LMTK2: variants seen among roughly 807,000 people sequenced by gnomAD.
LMTK2 encodes the protein serine/threonine-protein kinase LMTK2.
LMTK2 carries 37 observed loss-of-function variants against 127.5 expected under a neutral mutation model. The ratio of observed to expected loss-of-function variants is 0.29; its 90% CI spans 0.22 to 0.38. The LOEUF is 0.38. LMTK2 is among the 10% of genes least tolerant of loss of function. LMTK2 has a pLI of 1.00. For missense variants in LMTK2, 1,694 were observed against 1,920.3 expected (o/e 0.88, Z 2.20); for synonymous variants, 819 against 810.1 (o/e 1.01, Z -0.19).
intron 1 of LMTK2, among the ~76,000 whole-genome samples, chr7:98,128,227 C>T (rs879296944): frequency 6.6e-6 from 1 of 152,166 alleles, no homozygotes; most frequent in African/African-American, 2.4e-5. Context: ...AGTTTTACCC[C>T]TCCATGTACC....
chr7:98,130,945 T>C (rs1371061912), intron 1 of LMTK2, among the ~76,000 whole-genome samples: 1 of 152,228 alleles, frequency 6.6e-6, no homozygotes, highest in Non-Finnish European at 1.5e-5. Context: ...TGATATCTGC[T>C]TTCTTCCATT....
chr7:98,147,607 C>T (rs1796793293), intron 3 of LMTK2, among the ~76,000 whole-genome samples: 1 of 152,136 alleles, frequency 6.6e-6, no homozygotes, highest in Non-Finnish European at 1.5e-5. Flanking sequence ...TCTGGGACTC[C>T]AATTGATAAT....
intron 1 of LMTK2, among the ~76,000 whole-genome samples, chr7:98,111,744 T>C (rs1796204817): frequency 6.6e-6 from 1 of 152,222 alleles, no homozygotes; most frequent in Non-Finnish European, 1.5e-5. Flanking sequence ...AAGCAGGAGC[T>C]CAAAGTGGTA....
chr7:98,203,486 C>A lies in LMTK2; in HGVS notation c.4108-88C>A, dbSNP rs1167606725. ...GACGCTTACTTCTCAGTCGATGAGT[C>A]TGATGCGCCTGCCAGTGGGGAAGCG... is the stretch of plus-strand genomic sequence containing the variant. On this transcript the variant is annotated intron_variant, in intron 11 of 13. Transcript: ENST00000297293. 4.1e-6 allele frequency: 6 copies of A among 1,471,226 alleles called. No homozygotes were observed. In the Admixed American group the frequency reaches 1.3e-4, roughly 33 times the overall value. The allele number at this position is 1,471,226 out of a possible 1,614,324, so 91.1% of individuals were successfully genotyped here.
At position 98,123,644 on chromosome 7, in the gene LMTK2, C is replaced by T. The variant is rs144050137; in HGVS notation, c.104-13671C>T. On this transcript the variant is annotated intron_variant, in intron 1 of 13. Coordinates refer to ENST00000297293, the MANE Select transcript of LMTK2 (RefSeq NM_014916.4). ...TCCATTTCATTCATCAACATGGATG[C>T]ACAATGGGCCCTTTGAACCTTGAAA... is the stretch of plus-strand genomic sequence containing the variant. Among the ~76,000 whole-genome samples the T allele has an allele frequency of 2.9e-3, 443 of 152,252 alleles. 3 individuals carry two copies. Among genetic ancestry groups the T allele is most frequent in the Non-Finnish European group, 4.3e-3 (291 of 68,034 alleles).
chr7:98,154,944 C>T (rs2116393513), intron 5 of LMTK2, 68 bp downstream of exon 5: 1 of 887,756 alleles, frequency 1.1e-6, no homozygotes, highest in Non-Finnish European at 1.9e-6. Context: ...GTGTTTAAAA[C>T]TACTGTGGGA....
chr7:98,128,021 A>G (rs1034694316), intron 1 of LMTK2, among the ~76,000 whole-genome samples: 3 of 152,070 alleles, frequency 2.0e-5, no homozygotes, highest in African/African-American at 7.2e-5. Context: ...GCAGGTGCCT[A>G]TAATACCAGC....
At chr7:98,146,127 G>T (rs1274382189) in intron 3 of LMTK2, among the ~76,000 whole-genome samples, 1 of 151,890 alleles carries the variant, frequency 6.6e-6, no homozygotes, top group African/African-American at 2.4e-5. Context: ...TATTTTTTGG[G>T]GTTATTTCTG....
chr7:98,177,956 G>T (rs962889646), intron 7 of LMTK2, among the ~76,000 whole-genome samples: 3 of 152,218 alleles, frequency 2.0e-5, no homozygotes, highest in African/African-American at 7.2e-5. Context: ...CCCTTCGGAA[G>T]CTTAAGTCTT....
intron 1 of LMTK2, among the ~76,000 whole-genome samples, chr7:98,111,677 A>G (rs1796203674): frequency 6.6e-6 from 1 of 152,176 alleles, no homozygotes; most frequent in Non-Finnish European, 1.5e-5. Flanking sequence ...ATTGTTTCAG[A>G]TTTCTTTGTA....
Position 98,107,114 on chromosome 7 carries a change from G to T in LMTK2, c.-64G>T. ...CGGAGGGAGGCAGGATCGACTGACG[G>T]GCGAACGGACGGACGGACGGAAGGC... On this transcript the variant is annotated 5_prime_UTR_variant, in exon 1 of 14. Transcript: ENST00000297293. 7.8e-7 allele frequency: 1 copy of T among 1,274,666 alleles called. No individual in the cohort carries two copies. The highest frequency in any genetic ancestry group is 1.0e-6 in the Non-Finnish European group (1 of 978,008). The allele number at this position is 1,274,666 out of a possible 1,614,324, so 79.0% of individuals were successfully genotyped here.
rs750986420 is a variant in LMTK2, at chr7:98,191,887, C to T, written c.1422C>T (p.Phe474=). 25 of 1,614,056 alleles carry T rather than the reference C, an allele frequency of 1.5e-5. No individual in the cohort carries two copies. Among genetic ancestry groups the T allele is most frequent in the Admixed American group, 5.0e-5 (3 of 60,006 alleles). The part of the protein sequence containing the change: ...TVTETSQGLS[F]EYVWEAAKHD... ...CCGAAACCAGCCAGGGCCTGAGCTT[C>T]GAGTATGTCTGGGAGGCCGCTAAGC... The change falls in exon 11 of 14, where the codon TTC becomes TTT. Residue 474 remains phenylalanine, a synonymous_variant. Coordinates refer to ENST00000297293, the MANE Select transcript of LMTK2 (RefSeq NM_014916.4).
intron 3 of LMTK2, among the ~76,000 whole-genome samples, chr7:98,149,647 G>C (rs1796823302): frequency 6.6e-6 from 1 of 151,294 alleles, no homozygotes. Flanking sequence ...CCTAAATTTA[G>C]AACCTAAAAT....
intron 1 of LMTK2, among the ~76,000 whole-genome samples, chr7:98,132,389 C>T (rs1796532737): frequency 6.6e-6 from 1 of 152,008 alleles, no homozygotes; most frequent in Non-Finnish European, 1.5e-5. Context: ...TAGCTGGGAC[C>T]ACAGGCGCGC....
intron 3 of LMTK2, among the ~76,000 whole-genome samples, chr7:98,147,623 T>C (rs1318654790): frequency 1.3e-5 from 2 of 152,214 alleles, no homozygotes; most frequent in African/African-American, 4.8e-5. Flanking sequence ...ATAATATGTC[T>C]CTTGGTTTAT....
At chr7:98,201,721 C>T (rs1310856611) in intron 11 of LMTK2, among the ~76,000 whole-genome samples, 1 of 152,098 alleles carries the variant, frequency 6.6e-6, no homozygotes, top group Non-Finnish European at 1.5e-5. Context: ...GTGATCCTCC[C>T]TCCTCAGCCT....
Position 98,159,423 on chromosome 7 carries a change from T to C in LMTK2, c.655T>C (p.Leu219=). 6.2e-7 allele frequency: 1 copy of C among 1,601,502 alleles called. No homozygotes were observed. The highest frequency in any genetic ancestry group is 1.1e-5 in the South Asian group (1 of 90,666). ...CCTCCTGGTGTTTGAGTTCTGTGAC[T>C]TGGTAAGTTCCTTGAAGGAATTCAA... ...PYLLVFEFCD[L]GDLKAYLRSE... The change falls in exon 6 of 14, where the codon TTG becomes CTG. Residue 219 remains leucine (L), a splice_region_variant and synonymous_variant. Coordinates refer to ENST00000297293, the MANE Select transcript of LMTK2 (RefSeq NM_014916.4).
chr7:98,114,807 T>C (rs1042497317), intron 1 of LMTK2, among the ~76,000 whole-genome samples: 9 of 152,204 alleles, frequency 5.9e-5, no homozygotes, highest in African/African-American at 2.2e-4. Flanking sequence ...TTCTCCCTGT[T>C]TGCAATTGCC....
At chr7:98,181,819 C>G (rs113132362) in intron 7 of LMTK2, among the ~76,000 whole-genome samples, 6 of 150,662 alleles carry the variant, frequency 4.0e-5, no homozygotes, top group Non-Finnish European at 8.8e-5. Context: ...CCATCATGCC[C>G]GGCTAATTTT....
Sources: gnomAD v4.1 joint callset for allele counts (sites outside exome capture counted in the v4.1 genomes callset) on GRCh38, gnomAD v4.1.1 for gene constraint, MANE v1.5 for transcripts, NCBI Gene and HGNC (gene_info 2026-07-23, HGNC 2026-07-21) for gene names.